Variants in CPNE9 observed in about 807,000 individuals in gnomAD.
CPNE9 encodes the protein copine family member 9.
CPNE9 carries 59 observed loss-of-function variants against 83.0 expected under a neutral mutation model. The ratio of observed to expected loss-of-function variants is 0.71; its 90% confidence interval spans 0.58 to 0.88. CPNE9 has a LOEUF of 0.88. Among genes scored for constraint, CPNE9 ranks in the 40% least tolerant of loss-of-function variants. The pLI is 0.00. For synonymous variants in CPNE9, 256 were observed against 273.4 expected, an observed-to-expected ratio of 0.94 and a Z score of 0.63; for missense variants, 619 against 720.8, an observed-to-expected ratio of 0.86 and a Z score of 1.62.
At chr3:9,708,725 C>T (rs939237031) in intron 7 of CPNE9, among the ~76,000 whole-genome samples, 15 of 151,682 alleles carry the variant, frequency 9.9e-5, no homozygotes, top group South Asian at 2.1e-4. Context: ...CTCCGCCTCC[C>T]GGGTTCACGC....
chr3:9,712,506 C>T (rs1186061906), intron 7 of CPNE9, 35 bp from the exon 8 acceptor site: 1 of 1,581,454 alleles, frequency 6.3e-7, no homozygotes, highest in African/African-American at 1.3e-5. Context: ...TGCCTACCCT[C>T]CCTCCTCTCA....
rs758548383 is a variant in CPNE9 at position 9,714,945 on chromosome 3, C to T, written c.682C>T (p.Arg228Trp). 8.1e-6 allele frequency: 13 copies of T among 1,613,788 alleles called. No homozygotes were observed. The highest frequency in any genetic ancestry group is 6.7e-5 in the East Asian group (3 of 44,874). The part of the protein sequence containing the change: ...TVKIDVYDWD[R>W]DGSHDFIGEF... ...GAAGATTGATGTGTACGACTGGGAC[C>T]GGGATGGAAGGTAGAACTGCCCCAC... Residue 228 changes from arginine (R) to tryptophan (W), a missense_variant, in exon 11 of 21, where the codon CGG becomes TGG. Arg to Trp is a moderately radical substitution (Grantham distance 101, BLOSUM62 -3). This residue lies in a region of CPNE9 where 438 missense variants were observed against 562.9 expected (regional missense o/e 0.78). Coordinates refer to ENST00000383832, the MANE Select transcript of CPNE9 (RefSeq NM_153635.3).
intron 20 of CPNE9, among the ~76,000 whole-genome samples, chr3:9,728,343 G>A (rs1045493876): frequency 6.6e-6 from 1 of 152,162 alleles, no homozygotes; most frequent in African/African-American, 2.4e-5. Context: ...AAAAATAAAG[G>A]CCGGGCGCGG....
intron 17 of CPNE9, 64 bp from the exon 18 acceptor site, chr3:9,725,885 G>A (rs1209328983): frequency 4.0e-6 from 5 of 1,237,772 alleles, no homozygotes; most frequent in East Asian, 2.3e-5. Context: ...GGAAGCTCTG[G>A]GGGTAAGGTG....
At chr3:9,727,051 A>C in intron 19 of CPNE9, 62 bp from the exon 20 acceptor site, 1 of 1,561,852 alleles carries the variant, frequency 6.4e-7, no homozygotes, top group Non-Finnish European at 8.8e-7. Context: ...GCTCAAAGGG[A>C]GGGGGCAGCA....
rs1255226401 is a variant in CPNE9, at chr3:9,705,706, T to C, written c.298-12T>C. 1 of 1,613,862 alleles carries C rather than the reference T, an allele frequency of 6.2e-7. No homozygotes were observed. The highest frequency in any genetic ancestry group is 8.5e-7 in the Non-Finnish European group (1 of 1,179,904). On this transcript the variant is annotated splice_polypyrimidine_tract_variant and intron_variant, in intron 5 of 20. Coordinates refer to ENST00000383832, the MANE Select transcript of CPNE9 (RefSeq NM_153635.3). The stretch of plus-strand genomic sequence containing the variant: ...CCTCTTCCTTCTTGGCTGCCACTGC[T>C]GGGACCTGCAGAAGGTGAGGCTGAA...
At position 9,712,822 on chromosome 3, in the gene CPNE9, A is replaced by T. The variant is rs751529724; in HGVS notation, c.539A>T (p.Asp180Val). 5.6e-6 allele frequency: 9 copies of T among 1,613,772 alleles called. No homozygotes were observed. The highest frequency in any genetic ancestry group is 7.6e-6 in the Non-Finnish European group (9 of 1,179,720). Residue 180 changes from aspartate (D) to valine (V), a missense_variant, in exon 9 of 21, where the codon GAT (aspartate) becomes GTT (valine). Transcript: ENST00000383832. Reference protein sequence around the residue: ...PFLVFYRSNEDGTFTICHKTE... With the variant: ...PFLVFYRSNEVGTFTICHKTE... ...CTTGTGTTCTACAGGAGCAATGAGG[A>T]TGGCACGTGAGTCACTGCCATCAGG... is the stretch of plus-strand genomic sequence containing the variant.
At chr3:9,709,858 A>C (rs2076608273) in intron 7 of CPNE9, among the ~76,000 whole-genome samples, 1 of 151,638 alleles carries the variant, frequency 6.6e-6, no homozygotes, top group Non-Finnish European at 1.5e-5. Flanking sequence ...GGCATGGTGG[A>C]GCGTGCCTGT....
intron 7 of CPNE9, among the ~76,000 whole-genome samples, chr3:9,706,514 T>C (rs1369983913): frequency 6.6e-6 from 1 of 152,196 alleles, no homozygotes; most frequent in Non-Finnish European, 1.5e-5. Context: ...ACATACCCTA[T>C]GTCAGCCACT....
intron 14 of CPNE9, 127 bp downstream of exon 14, chr3:9,716,162 T>G (rs1032035864): frequency 2.4e-4 from 187 of 782,516 alleles, no homozygotes; most frequent in Non-Finnish European, 2.8e-4. Context: ...TTAAAACACT[T>G]GGCCAACTAT....
intron 18 of CPNE9, 32 bp downstream of exon 18, chr3:9,726,083 G>A (rs766209800): frequency 6.4e-6 from 9 of 1,409,148 alleles, no homozygotes; most frequent in Admixed American, 5.8e-5. Context: ...TGGCAGGGAG[G>A]AGTAATGTCA....
In CPNE9 at chr3:9,704,605, T is replaced by C; in HGVS notation, c.87T>C (p.Asp29=). 1.2e-6 allele frequency: 2 copies of C among 1,614,060 alleles called. No homozygotes were observed. The highest frequency in any genetic ancestry group is 1.1e-5 in the South Asian group (1 of 91,088). ...TVSCRNLLDL[D]TFSKSDPMVV... ...TCTCTAGGAACCTGCTAGACCTTGA[T>C]ACCTTCTCCAAGTCCGACCCCAGTA... Residue 29 remains aspartate (D), a synonymous_variant, in exon 2 of 21, where the codon GAT becomes GAC. Coordinates refer to ENST00000383832, the MANE Select transcript of CPNE9 (RefSeq NM_153635.3). This position sits in a 1 kb window ranked among gnomAD's most constrained non-coding sequence, Gnocchi z 7.1.
At chr3:9,707,002 C>T (rs1016474758) in intron 7 of CPNE9, among the ~76,000 whole-genome samples, 5 of 152,096 alleles carry the variant, frequency 3.3e-5, no homozygotes, top group East Asian at 1.9e-4. Flanking sequence ...GGGTTCTGAG[C>T]GGAGGAGTGA....
At chr3:9,726,829 C>G in intron 19 of CPNE9, 107 bp downstream of exon 19, 7 of 1,001,468 alleles carry the variant, frequency 7.0e-6, no homozygotes, top group Non-Finnish European at 1.1e-5. Context: ...TAGACACCCC[C>G]GTGTGAAGCC....
At chr3:9,706,801 ACAGACAT>A (rs946879257) in intron 7 of CPNE9, among the ~76,000 whole-genome samples, 3 of 152,190 alleles carry the variant, frequency 2.0e-5, no homozygotes, top group African/African-American at 7.2e-5. Context: ...GAGGTAAGGT[ACAGACAT>A]GTGGAGGAAG....
intron 7 of CPNE9, 82 bp downstream of exon 7, chr3:9,706,145 G>C (rs1300351206): frequency 1.4e-6 from 2 of 1,419,864 alleles, no homozygotes; most frequent in Non-Finnish European, 2.0e-6. Context: ...ACTGATAGAA[G>C]TGGAGGCTGG....
intron 13 of CPNE9, 131 bp from the exon 14 acceptor site, chr3:9,715,839 GGACT>G (rs1284499979): frequency 1.4e-6 from 1 of 721,258 alleles, no homozygotes; most frequent in Non-Finnish European, 2.4e-6. Flanking sequence ...GAACAGGGTG[GGACT>G]GACTGGGGGA....
chr3:9,715,144 CTA>C (rs2076668619), intron 11 of CPNE9, 143 bp from the exon 12 acceptor site: 6 of 979,598 alleles, frequency 6.1e-6, no homozygotes, highest in African/African-American at 1.6e-5. Context: ...CGTTTTTCCC[CTA>C]TGTTTGGCCT....
In CPNE9 at chr3:9,729,830, G is replaced by A. The variant is rs577705290; in HGVS notation, c.*138G>A. The stretch of plus-strand genomic sequence containing the variant: ...ATCAGTGCTGGCTGACAAGCCCTCC[G>A]CCTCCTTGCCTGCAGAGGGCCTGGC... On this transcript the variant is annotated 3_prime_UTR_variant, in exon 21 of 21. Transcript: ENST00000383832. 20 of 1,260,314 alleles carry A rather than the reference G, an allele frequency of 1.6e-5. No individual in the cohort carries two copies. In the East Asian group the frequency reaches 2.6e-4, roughly 16 times the overall value. 78.1% of individuals were successfully genotyped at this position (1,260,314 alleles called of 1,614,324 possible).
Sources: allele counts gnomAD v4.1 joint callset (sites outside exome capture counted in the v4.1 genomes callset), GRCh38; gene constraint gnomAD v4.1.1; regional missense constraint gnomAD v4.1.1; non-coding constraint Gnocchi (gnomAD v3.1); transcripts MANE v1.5; gene names NCBI Gene and HGNC (gene_info 2026-07-23, HGNC 2026-07-21).